ATP2A2: variants seen among roughly 807,000 people sequenced by gnomAD.
ATP2A2 encodes the protein ATPase sarcoplasmic/endoplasmic reticulum Ca2+ transporting 2, also known as sarcoplasmic/endoplasmic reticulum calcium ATPase 2.
A neutral mutation model predicts 109.3 loss-of-function variants in ATP2A2; 14 were observed. The observed-to-expected ratio is 0.13, with a 90% CI of 0.08 to 0.20. The LOEUF is 0.20. ATP2A2 is among the 10% of genes least tolerant of loss of function. The probability of loss-of-function intolerance (pLI) is 1.00; values close to 1 mark genes in which losing one functional copy is unlikely to be tolerated. For synonymous variants in ATP2A2, 506 were observed against 490.9 expected, an observed-to-expected ratio of 1.03 and a Z score of -0.41; for missense variants, 657 against 1,321.6, an observed-to-expected ratio of 0.50 and a Z score of 7.80.
chr12:110,296,543 GAA>G (rs1873980436), intron 4 of ATP2A2, 54 bp from the exon 5 acceptor site: 4 of 1,608,350 alleles, frequency 2.5e-6, no homozygotes. Flanking sequence ...CCTTGGGTTA[GAA>G]ATAATTGCAG....
chr12:110,282,841 T>C, intron 3 of ATP2A2, 46 bp downstream of exon 3: 2 of 1,470,516 alleles, frequency 1.4e-6, no homozygotes, highest in Non-Finnish European at 1.9e-6. Flanking sequence ...AAGCTGAAAG[T>C]ATTCCATAGA....
At chr12:110,291,808 A>G (rs56158997) in intron 3 of ATP2A2, among the ~76,000 whole-genome samples, 1,527 of 151,330 alleles carry the variant, frequency 0.01, 6 homozygotes, top group African/African-American at 0.013. Context: ...CACCATGTCC[A>G]GCTAATTTTT....
In ATP2A2 at chr12:110,344,956, G is replaced by A. The variant is rs1879703228; in HGVS notation, c.2592G>A (p.Val864=). The A allele has an allele frequency of 6.2e-7, 1 of 1,614,086 alleles. No individual in the cohort carries two copies. Among genetic ancestry groups the A allele is most frequent in the Non-Finnish European group, 8.5e-7 (1 of 1,179,994 alleles). ...TTGCTGCTGACGGTGGTCCAAGAGTGTCCTTCTACCAGCTGGTACTCAGTC... is the reference window on the plus strand; with the variant it reads ...TTGCTGCTGACGGTGGTCCAAGAGTATCCTTCTACCAGCTGGTACTCAGTC... ...WFIAADGGPR[V]SFYQLSHFLQ... is the part of the protein sequence containing the mutation. Residue 864 remains valine, a synonymous_variant, in exon 17 of 20, where the codon GTG becomes GTA. Coordinates refer to ENST00000539276, the MANE Select transcript of ATP2A2 (RefSeq NM_170665.4).
At chr12:110,324,426 A>T (rs557038247) in intron 6 of ATP2A2, among the ~76,000 whole-genome samples, 1,620 of 147,012 alleles carry the variant, frequency 0.011, 14 homozygotes, top group South Asian at 0.019. Flanking sequence ...TTTAAAAAAA[A>T]TTTTTTTTTT....
chr12:110,297,292 G>A lies in ATP2A2; in HGVS notation c.463+555G>A, dbSNP rs113925260. Among the ~76,000 whole-genome samples the A allele has an allele frequency of 1.5e-3, 234 of 152,030 alleles. 1 individual carries two copies. Among genetic ancestry groups the A allele is most frequent in the African/African-American group, 5.4e-3 (222 of 41,466 alleles). On this transcript the variant is annotated intron_variant, in intron 5 of 19. Coordinates refer to ENST00000539276, the MANE Select transcript of ATP2A2 (RefSeq NM_170665.4). The stretch of plus-strand genomic sequence containing the variant: ...TCTACTAAAAATGCAAAAATTAGCC[G>A]GGCATGATGGTGTGTGCCTGTAGTC...
intron 15 of ATP2A2, 75 bp from the exon 16 acceptor site, chr12:110,343,157 G>A (rs1189158378): frequency 6.9e-7 from 1 of 1,459,154 alleles, no homozygotes; most frequent in Non-Finnish European, 9.6e-7. Context: ...GAGGAGGGCG[G>A]GTTGATGATG....
In ATP2A2 at chr12:110,350,726, G is replaced by A. The variant is rs1170611628; in HGVS notation, c.*4256G>A. On this transcript the variant is annotated 3_prime_UTR_variant, in exon 20 of 20. Coordinates refer to ENST00000539276, the MANE Select transcript of ATP2A2 (RefSeq NM_170665.4). ...AGCCAGATCCCTCTCCAGTGACATT[G>A]GAACATGCTACTTTTTAATTGGCCC... The A allele has an allele frequency of 1.3e-5, 3 of 239,334 alleles. No individual in the cohort carries two copies. The highest frequency in any genetic ancestry group is 1.0e-4 in the East Asian group (1 of 10,010). The allele number at this position is 239,334 out of a possible 1,614,324, so 14.8% of individuals were successfully genotyped here.
chr12:110,347,054 C>T lies in ATP2A2; in HGVS notation c.*584C>T, dbSNP rs1366725391. The stretch of plus-strand genomic sequence containing the variant: ...ACCCCACCTCTCCCCACCTTACCCC[C>T]GCCCCGCTTGGCTTCTTCTTTAGGA... On this transcript the variant is annotated 3_prime_UTR_variant, in exon 20 of 20. Transcript: ENST00000539276. 14 of 1,081,964 alleles carry T rather than the reference C, an allele frequency of 1.3e-5. No individual in the cohort carries two copies. Among genetic ancestry groups the T allele is most frequent in the African/African-American group, 5.1e-5 (3 of 58,518 alleles). 67.0% of individuals were successfully genotyped at this position (1,081,964 alleles called of 1,614,324 possible).
At position 110,327,603 on chromosome 12, in the gene ATP2A2, A is replaced by G. The variant is rs750240717; in HGVS notation, c.681A>G (p.Gly227=). The change falls in exon 8 of 20, where the codon GGA becomes GGG. Residue 227 remains glycine (G), a synonymous_variant. Coordinates refer to ENST00000539276, the MANE Select transcript of ATP2A2 (RefSeq NM_170665.4). The surrounding 1 kb of genome is among the most constrained non-coding windows in gnomAD (Gnocchi z 4.4). Reference sequence around the variant, plus strand: ...CTATGGGAGTGGTGGTAGCAACTGGAGTTAACACCGAAATTGGCAAGATCC... The same window carrying G: ...CTATGGGAGTGGTGGTAGCAACTGGGGTTAACACCGAAATTGGCAAGATCC... The part of the protein sequence containing the change: ...GKAMGVVVAT[G]VNTEIGKIRD... 6.2e-7 allele frequency: 1 copy of G among 1,614,118 alleles called. No individual in the cohort carries two copies. The highest frequency in any genetic ancestry group is 1.1e-5 in the South Asian group (1 of 91,076).
At position 110,346,168 on chromosome 12, in the gene ATP2A2, C is replaced by G. The variant is rs763325237; in HGVS notation, c.2860-33C>G. 2.5e-6 allele frequency: 4 copies of G among 1,614,140 alleles called. No individual in the cohort carries two copies. The South Asian group carries it at 4.4e-5, about 18-fold the overall frequency. ...ACCAGCCACCTCCTTCCAGGGGAGGCTGGAGGCGTGACACGTCTTCCCTGT... is the reference window on the plus strand; with the variant it reads ...ACCAGCCACCTCCTTCCAGGGGAGGGTGGAGGCGTGACACGTCTTCCCTGT... On this transcript the variant is annotated intron_variant, in intron 19 of 19. Coordinates refer to ENST00000539276, the MANE Select transcript of ATP2A2 (RefSeq NM_170665.4).
chr12:110,333,406 C>A, intron 10 of ATP2A2, 123 bp downstream of exon 10: 1 of 921,350 alleles, frequency 1.1e-6, no homozygotes, highest in East Asian at 2.5e-5. Flanking sequence ...TTGTTTCCCC[C>A]TTCCATTCAG....
At chr12:110,324,292 C>T (rs1364582840) in intron 6 of ATP2A2, among the ~76,000 whole-genome samples, 1 of 152,010 alleles carries the variant, frequency 6.6e-6, no homozygotes, top group African/African-American at 2.4e-5. Flanking sequence ...TTATAAATAG[C>T]TTACTTATTA....
At chr12:110,293,769 A>G (rs1274562355) in intron 4 of ATP2A2, among the ~76,000 whole-genome samples, 1 of 142,452 alleles carries the variant, frequency 7.0e-6, no homozygotes, top group East Asian at 2.2e-4. Flanking sequence ...AACGATCTTT[A>G]TGTGGTAGGT....
At position 110,340,646 on chromosome 12, in the gene ATP2A2, G is replaced by C. The variant is rs750190840; in HGVS notation, c.1762-13G>C. The C allele has an allele frequency of 6.2e-7, 1 of 1,613,944 alleles. No individual in the cohort carries two copies. The highest frequency in any genetic ancestry group is 1.7e-5 in the Admixed American group (1 of 60,006). ...ACTTGCCACTTTTATTTAAAGTGAT[G>C]CTCTTATTTTAGACCAATCTGACCT... On this transcript the variant is annotated splice_polypyrimidine_tract_variant and intron_variant, in intron 13 of 19. Coordinates refer to ENST00000539276, the MANE Select transcript of ATP2A2 (RefSeq NM_170665.4). This position sits in a 1 kb window ranked among gnomAD's most constrained non-coding sequence, Gnocchi z 6.0.
chr12:110,326,583 C>T (rs1410735438), intron 7 of ATP2A2, 108 bp downstream of exon 7: 1 of 1,078,122 alleles, frequency 9.3e-7, no homozygotes, highest in Non-Finnish European at 1.4e-6. Flanking sequence ...AAAGGATAAT[C>T]ACACTTTTCA....
intron 5 of ATP2A2, 64 bp downstream of exon 5, chr12:110,296,801 A>C: frequency 1.3e-6 from 2 of 1,541,290 alleles, no homozygotes; most frequent in South Asian, 1.1e-5. Context: ...TCCTTTTCTC[A>C]AGGCTCATAA....
chr12:110,316,593 A>G (rs947374431), intron 5 of ATP2A2, among the ~76,000 whole-genome samples: 3 of 152,188 alleles, frequency 2.0e-5, no homozygotes, highest in East Asian at 3.8e-4. Flanking sequence ...TGTGCCAGGT[A>G]TAGTGGTAGG....
Position 110,319,223 on chromosome 12 carries a change from GAAAA to G in ATP2A2, c.464-3749_464-3746del, listed in dbSNP as rs59623372. Among the ~76,000 whole-genome samples, 20 of 63,432 alleles carry G rather than the reference GAAAA, an allele frequency of 3.2e-4. No homozygotes were observed. The South Asian group carries it at 3.6e-3, about 11-fold the overall frequency. The allele number at this position is 63,432 out of a possible 152,430, so 41.6% of individuals were successfully genotyped here. On this transcript the variant is annotated intron_variant, in intron 5 of 19. Transcript: ENST00000539276. Reference sequence around the variant, plus strand: ...GACCCTGTCTGTAAGAATAAAAAATGAAAAAAAAAAAAAAAAAAAAAAAGTGGAT... The same window carrying G: ...GACCCTGTCTGTAAGAATAAAAAATGAAAAAAAAAAAAAAAAAAAGTGGAT...
chr12:110,323,337 A>G (rs1438602870), intron 6 of ATP2A2, among the ~76,000 whole-genome samples: 1 of 152,140 alleles, frequency 6.6e-6, no homozygotes, highest in Non-Finnish European at 1.5e-5. Flanking sequence ...GGCTCCTGCC[A>G]CCATGCCCAG....
Sources: allele counts gnomAD v4.1 joint callset (sites outside exome capture counted in the v4.1 genomes callset), GRCh38; gene constraint gnomAD v4.1.1; non-coding constraint Gnocchi (gnomAD v3.1); transcripts MANE v1.5; gene names NCBI Gene and HGNC (gene_info 2026-07-23, HGNC 2026-07-21).